Variants in SNX2 observed in about 807,000 individuals in gnomAD.
The protein encoded by SNX2 is sorting nexin-2.
Under a neutral mutation model 69.9 loss-of-function variants are expected in SNX2, and 25 were observed. The ratio of observed to expected loss-of-function variants is 0.36; its 90% CI spans 0.26 to 0.50. The LOEUF (loss-of-function observed/expected upper bound fraction) is 0.50. Among genes scored for constraint, SNX2 ranks in the 20% least tolerant of loss-of-function variants. The probability of loss-of-function intolerance (pLI) is 0.97; values close to 1 mark genes in which losing one functional copy is unlikely to be tolerated. For missense variants in SNX2, 551 were observed against 613.3 expected, an observed-to-expected ratio of 0.90 and a Z score of 1.07; for synonymous variants, 229 against 200.4, an observed-to-expected ratio of 1.14 and a Z score of -1.20.
chr5:122,779,670 A>G (rs1462749705), intron 1 of SNX2, among the ~76,000 whole-genome samples: 1 of 152,196 alleles, frequency 6.6e-6, no homozygotes, highest in African/African-American at 2.4e-5. Flanking sequence ...CTCCATGTTT[A>G]ATCATTTGAA....
chr5:122,822,534 A>G (rs927516560), intron 11 of SNX2, among the ~76,000 whole-genome samples: 22 of 152,300 alleles, frequency 1.4e-4, no homozygotes, highest in African/African-American at 5.3e-4. Context: ...TCAAATTAGG[A>G]ATACTTTGGG....
chr5:122,800,015 A>G (rs1248577993), intron 3 of SNX2, among the ~76,000 whole-genome samples, 160 bp downstream of exon 3: 2 of 151,968 alleles, frequency 1.3e-5, no homozygotes, highest in African/African-American at 2.4e-5. Flanking sequence ...TATCTTCCCC[A>G]CTCTACCCAG....
intron 2 of SNX2, among the ~76,000 whole-genome samples, chr5:122,797,973 A>T (rs1449684857): frequency 6.6e-6 from 1 of 152,160 alleles, no homozygotes; most frequent in Non-Finnish European, 1.5e-5. Flanking sequence ...GTAAAATGTG[A>T]TTAAAAAGTT....
rs753329504 is a variant in SNX2 at position 122,823,720 on chromosome 5, G to GTGTA, written c.1213-2327_1213-2326insATGT. ...TTTTGGTGGTCGTGTGTATGTGGGT[G>GTGTA]TGTGTGTGTGTGTGTGTCGGAAGTG... On this transcript the variant is annotated intron_variant, in intron 11 of 14. Transcript: ENST00000379516. Among the ~76,000 whole-genome samples, 30 of 21,548 alleles carry GTGTA rather than the reference G, an allele frequency of 1.4e-3. No individual in the cohort carries two copies. In the African/African-American group the frequency reaches 0.016, roughly 11 times the overall value. The allele number at this position is 21,548 out of a possible 152,430, so 14.1% of individuals were successfully genotyped here. A position where few individuals can be genotyped will look rare whatever the true frequency, so the allele number is the denominator to read the frequency against.
At position 122,829,805 on chromosome 5, in the gene SNX2, C is replaced by G. The variant is rs1235173432; in HGVS notation, c.*157C>G. 3.5e-6 allele frequency: 2 copies of G among 574,236 alleles called. No homozygotes were observed. Among genetic ancestry groups the G allele is most frequent in the East Asian group, 3.5e-5 (1 of 28,182 alleles). The allele number at this position is 574,236 out of a possible 1,614,324, so 35.6% of individuals were successfully genotyped here. The stretch of plus-strand genomic sequence containing the variant: ...ACACACACACACACACACACACACA[C>G]ACACACTCTGACATTTTATTACAAG... On this transcript the variant is annotated 3_prime_UTR_variant, in exon 15 of 15. Transcript: ENST00000379516.
rs3990570 is a variant in SNX2 at position 122,829,775 on chromosome 5, T to TAC, written c.*162_*163dup. The TAC allele has an allele frequency of 0.039, 20,260 of 523,678 alleles. 174 individuals are homozygous for TAC. The highest frequency in any genetic ancestry group is 0.051 in the Middle Eastern group (140 of 2,744). 32.4% of individuals were successfully genotyped at this position (523,678 alleles called of 1,614,324 possible). A position where few individuals can be genotyped will look rare whatever the true frequency, so the allele number is the denominator to read the frequency against. On this transcript the variant is annotated 3_prime_UTR_variant, in exon 15 of 15. Coordinates refer to ENST00000379516, the MANE Select transcript of SNX2 (RefSeq NM_003100.4). ...TTTATGAATTACATGTGGTTTTATA[T>TAC]ACACACACACACACACACACACACA...
In SNX2 at chr5:122,818,947, A is replaced by G. The variant is rs1239604827; in HGVS notation, c.1136A>G (p.Gln379Arg). ...EVEEKIDQLHQEQAFADFYMF... is the reference protein window; with the variant it reads ...EVEEKIDQLHREQAFADFYMF... ...GAGGAGAAGATAGACCAGTTACATC[A>G]AGAACAAGCTTTTGCTGACTTTTAT... The change falls in exon 11 of 15, where the codon CAA (glutamine) becomes CGA (arginine). Residue 379 changes from glutamine (Q) to arginine (R), a missense_variant. Transcript: ENST00000379516. 1.2e-6 allele frequency: 2 copies of G among 1,613,892 alleles called. No homozygotes were observed. Among genetic ancestry groups the G allele is most frequent in the Admixed American group, 3.3e-5 (2 of 60,000 alleles).
At chr5:122,806,142 G>GCGCGCACGCGCGCACACACA in intron 6 of SNX2, among the ~76,000 whole-genome samples, 7 of 130,584 alleles carry the variant, frequency 5.4e-5, no homozygotes, top group African/African-American at 2.0e-4. Flanking sequence ...ACACGCGCGC[G>GCGCGCACGCGCGCACACACA]CACACACACA....
intron 11 of SNX2, among the ~76,000 whole-genome samples, chr5:122,823,717 G>GGT (rs10559761): frequency 0.045 from 6,712 of 149,780 alleles, 164 homozygotes; most frequent in African/African-American, 0.066. Context: ...TGTGTATGTG[G>GGT]GTGTGTGTGT....
rs774173699 is a variant in SNX2 at position 122,801,946 on chromosome 5, A to G, written c.457+11A>G. On this transcript the variant is annotated intron_variant, in intron 4 of 14. Transcript: ENST00000379516. ...ATCCAGAAAAAGTTGGTGAGTCAAT[A>G]CTTATTATATTTTGTATTTACTTTT... 2 of 1,585,562 alleles carry G rather than the reference A, an allele frequency of 1.3e-6. No individual in the cohort carries two copies. Among genetic ancestry groups the G allele is most frequent in the East Asian group, 2.2e-5 (1 of 44,598 alleles).
At chr5:122,804,365 C>CTTT (rs1284102957) in intron 6 of SNX2, among the ~76,000 whole-genome samples, 2 of 135,760 alleles carry the variant, frequency 1.5e-5, no homozygotes, top group Admixed American at 7.4e-5. Flanking sequence ...AACATTTCTA[C>CTTT]TTTTTTTTTT....
At chr5:122,829,532 A>G (rs1754233138) in intron 14 of SNX2, 66 bp from the exon 15 acceptor site, 2 of 1,284,478 alleles carry the variant, frequency 1.6e-6, no homozygotes, top group Admixed American at 3.5e-5. Flanking sequence ...AATGCTGTAC[A>G]GGATATATGC....
rs1259026858 is a variant in SNX2 at position 122,834,393 on chromosome 5, C to G, written c.*4745C>G. 7 of 151,996 alleles carry G rather than the reference C, an allele frequency of 4.6e-5. No homozygotes were observed. The highest frequency in any genetic ancestry group is 1.7e-4 in the African/African-American group (7 of 41,376). The allele number at this position is 151,996 out of a possible 1,614,324, so 9.4% of individuals were successfully genotyped here. On this transcript the variant is annotated 3_prime_UTR_variant, in exon 15 of 15. Coordinates refer to ENST00000379516, the MANE Select transcript of SNX2 (RefSeq NM_003100.4). ...CAAAATGGAAACTTTGTAACTGAAG[C>G]CAGTCAAGGTGAATACACAGAAAAT...
intron 7 of SNX2, among the ~76,000 whole-genome samples, chr5:122,812,200 C>T (rs1284079365): frequency 1.3e-5 from 2 of 152,208 alleles, no homozygotes; most frequent in East Asian, 3.9e-4. Flanking sequence ...CCCCTCCCCA[C>T]GCTGGCCCCA....
chr5:122,817,220 A>G, intron 9 of SNX2, 60 bp from the exon 10 acceptor site: 1 of 1,494,740 alleles, frequency 6.7e-7, no homozygotes, highest in Non-Finnish European at 9.3e-7. Flanking sequence ...TGCTATTGGT[A>G]ACCTAATTTA....
intron 14 of SNX2, 127 bp from the exon 15 acceptor site, chr5:122,829,471 C>G (rs1001799475): frequency 1.4e-5 from 9 of 645,232 alleles, no homozygotes; most frequent in Non-Finnish European, 2.2e-5. Context: ...TCCCAAAGTG[C>G]TGGAATTATA....
At chr5:122,805,682 G>A (rs1216728210) in intron 6 of SNX2, among the ~76,000 whole-genome samples, 1 of 152,026 alleles carries the variant, frequency 6.6e-6, no homozygotes, top group Non-Finnish European at 1.5e-5. Context: ...TCAATCCAAA[G>A]TGTTGAATCA....
At chr5:122,811,493 T>C (rs915027321) in intron 7 of SNX2, among the ~76,000 whole-genome samples, 6 of 151,096 alleles carry the variant, frequency 4.0e-5, no homozygotes, top group African/African-American at 1.5e-4. Flanking sequence ...CTACACACTT[T>C]CTGTGTGACC....
chr5:122,821,478 C>T (rs542356217), intron 11 of SNX2, among the ~76,000 whole-genome samples: 8 of 147,486 alleles, frequency 5.4e-5, no homozygotes, highest in African/African-American at 1.5e-4. Flanking sequence ...TTTTCGCAGA[C>T]GGAGACTCGC....
Sources: gnomAD v4.1 joint callset for allele counts (sites outside exome capture counted in the v4.1 genomes callset) on GRCh38, gnomAD v4.1.1 for gene constraint, MANE v1.5 for transcripts, NCBI Gene and HGNC (gene_info 2026-07-23, HGNC 2026-07-21) for gene names.